FBXL7: variants seen among roughly 807,000 people sequenced by gnomAD.
FBXL7 encodes the protein F-box and leucine rich repeat protein 7, also known as F-box/LRR-repeat protein 7.
Under a neutral mutation model 38.3 loss-of-function variants are expected in FBXL7, and 12 were observed. The ratio of observed to expected loss-of-function variants is 0.31; its 90% confidence interval spans 0.20 to 0.51. The LOEUF (loss-of-function observed/expected upper bound fraction) is 0.51, where lower values mean the gene tolerates loss of function less well. Among genes scored for constraint, FBXL7 ranks in the 20% least tolerant of loss-of-function variants. FBXL7 has a pLI of 0.98. For synonymous variants in FBXL7, 297 were observed against 300.9 expected, an observed-to-expected ratio of 0.99 and a Z score of 0.13; for missense variants, 567 against 676.4, an observed-to-expected ratio of 0.84 and a Z score of 1.79.
intron 1 of FBXL7, among the ~76,000 whole-genome samples, chr5:15,524,379 T>C (rs1427655517): frequency 6.6e-6 from 1 of 152,224 alleles, no homozygotes; most frequent in African/African-American, 2.4e-5. Context: ...GAAGGGCTCA[T>C]TTCTATAATA....
At chr5:15,727,239 T>G in intron 2 of FBXL7, among the ~76,000 whole-genome samples, 1 of 152,306 alleles carries the variant, frequency 6.6e-6, no homozygotes, top group Non-Finnish European at 1.5e-5. Flanking sequence ...TGGAGTTATA[T>G]CTCATTGTTA....
chr5:15,704,023 C>T (rs564395462), intron 2 of FBXL7, among the ~76,000 whole-genome samples: 7 of 152,188 alleles, frequency 4.6e-5, no homozygotes, highest in Non-Finnish European at 8.8e-5. Context: ...CAGAGACTGA[C>T]TCTTCCCTGT....
At chr5:15,734,157 G>A (rs1031661621) in intron 2 of FBXL7, among the ~76,000 whole-genome samples, 4 of 148,070 alleles carry the variant, frequency 2.7e-5, no homozygotes, top group African/African-American at 5.0e-5. Context: ...CTTTGCTGCC[G>A]CCCAGTCCCT....
chr5:15,851,876 A>G (rs1739106712), intron 2 of FBXL7, among the ~76,000 whole-genome samples: 1 of 151,630 alleles, frequency 6.6e-6, no homozygotes, highest in South Asian at 2.1e-4. Flanking sequence ...TTTTTTTGTA[A>G]TATATATATT....
At chr5:15,693,694 A>C (rs545159996) in intron 2 of FBXL7, among the ~76,000 whole-genome samples, 84 of 152,300 alleles carry the variant, frequency 5.5e-4, no homozygotes, top group Non-Finnish European at 1.1e-3. Flanking sequence ...AGAGGAACAC[A>C]CTGGCAGAAG....
Position 15,878,355 on chromosome 5 carries a change from A to G in FBXL7, c.128-49535A>G, listed in dbSNP as rs551153319. Among the ~76,000 whole-genome samples, 7 of 152,244 alleles carry G rather than the reference A, an allele frequency of 4.6e-5. No homozygotes were observed. The South Asian group carries it at 1.2e-3, about 27-fold the overall frequency. On this transcript the variant is annotated intron_variant, in intron 2 of 3. Coordinates refer to ENST00000504595, the MANE Select transcript of FBXL7 (RefSeq NM_012304.5). ...CAATAAACTCAAAGTGATGCCCTAC[A>G]AATAATGCCTTTCTGAGCTGTTAAC...
intron 3 of FBXL7, chr5:15,935,319 C>A (rs112038088): frequency 9.1e-6 from 4 of 441,048 alleles, no homozygotes; most frequent in Non-Finnish European, 1.8e-5. Flanking sequence ...TGTGGGGAAT[C>A]GACTGTAGGA....
chr5:15,706,389 C>T (rs1160563423), intron 2 of FBXL7, among the ~76,000 whole-genome samples: 1 of 152,178 alleles, frequency 6.6e-6, no homozygotes, highest in Non-Finnish European at 1.5e-5. Context: ...CTCCCTGAGG[C>T]CTCCCCAGAA....
chr5:15,728,554 G>T (rs2126660232), intron 2 of FBXL7, among the ~76,000 whole-genome samples: 1 of 152,236 alleles, frequency 6.6e-6, no homozygotes, highest in East Asian at 1.9e-4. Flanking sequence ...AATAGTCTGT[G>T]GAGAAAGCCT....
chr5:15,871,676 A>T (rs1027339842), intron 2 of FBXL7, among the ~76,000 whole-genome samples: 2 of 152,180 alleles, frequency 1.3e-5, no homozygotes, highest in African/African-American at 4.8e-5. Flanking sequence ...CAATAGCTGA[A>T]TTGATCAAGT....
At chr5:15,801,678 TTTGTGTGTGTGTG>T (rs1561131763) in intron 2 of FBXL7, among the ~76,000 whole-genome samples, 1 of 149,054 alleles carries the variant, frequency 6.7e-6, no homozygotes, top group Non-Finnish European at 1.5e-5. Context: ...TGTGTGTGTG[TTTGTGTGTGTGTG>T]TGTGTTGCAC....
chr5:15,557,016 C>A (rs192809208), intron 1 of FBXL7, among the ~76,000 whole-genome samples: 2 of 152,342 alleles, frequency 1.3e-5, no homozygotes, highest in African/African-American at 4.8e-5. Flanking sequence ...CGGCTCACTG[C>A]AAGCTCCGCT....
At chr5:15,870,856 CA>C (rs1371161734) in intron 2 of FBXL7, among the ~76,000 whole-genome samples, 1 of 152,154 alleles carries the variant, frequency 6.6e-6, no homozygotes, top group African/African-American at 2.4e-5. Flanking sequence ...GGCAAGCACC[CA>C]GGGGAAGGGG....
intron 2 of FBXL7, among the ~76,000 whole-genome samples, chr5:15,915,310 C>CT (rs1271051877): frequency 1.3e-5 from 2 of 152,286 alleles, no homozygotes; most frequent in African/African-American, 4.8e-5. Context: ...TCTCACAGTT[C>CT]TAGAGGTTGG....
At chr5:15,802,794 C>T (rs1403462489) in intron 2 of FBXL7, among the ~76,000 whole-genome samples, 1 of 152,050 alleles carries the variant, frequency 6.6e-6, no homozygotes, top group African/African-American at 2.4e-5. Context: ...GCTGGGATTA[C>T]AGGCGTGCAC....
intron 2 of FBXL7, among the ~76,000 whole-genome samples, chr5:15,742,238 G>T (rs1324473720): frequency 6.6e-6 from 1 of 152,064 alleles, no homozygotes; most frequent in African/African-American, 2.4e-5. Flanking sequence ...TGTGTGGTGG[G>T]GGAGAATAAT....
intron 2 of FBXL7, among the ~76,000 whole-genome samples, chr5:15,678,447 G>A (rs34341354): frequency 0.43 from 65,133 of 152,004 alleles, 14,452 homozygotes; most frequent in East Asian, 0.56. Context: ...GTTGAGATTT[G>A]TGGACATCTT....
intron 2 of FBXL7, among the ~76,000 whole-genome samples, chr5:15,840,032 C>A (rs1189416844): frequency 6.6e-6 from 1 of 152,138 alleles, no homozygotes. Context: ...TGTAGGATAT[C>A]TTCTGTCTTT....
intron 1 of FBXL7, among the ~76,000 whole-genome samples, chr5:15,596,873 A>C (rs1282786282): frequency 6.6e-6 from 1 of 152,172 alleles, no homozygotes; most frequent in East Asian, 1.9e-4. Context: ...CCCTTCCCAC[A>C]TACCTCGCCC....
Sources: allele counts gnomAD v4.1 joint callset (sites outside exome capture counted in the v4.1 genomes callset), GRCh38; gene constraint gnomAD v4.1.1; transcripts MANE v1.5; gene names NCBI Gene and HGNC (gene_info 2026-07-23, HGNC 2026-07-21).